KIAA0825: variants seen among roughly 807,000 people sequenced by gnomAD.
KIAA0825 encodes the protein uncharacterized protein KIAA0825.
In KIAA0825, 119 loss-of-function variants were observed where a neutral mutation model predicts 147.6. The ratio of observed to expected loss-of-function variants is 0.81; its 90% CI spans 0.69 to 0.94. The LOEUF is 0.94. KIAA0825 is among the 40% of genes least tolerant of loss of function. The pLI is 0.00. For synonymous variants in KIAA0825, 470 were observed against 518.1 expected (o/e 0.91, Z 1.26); for missense variants, 1,381 against 1,472.7 (o/e 0.94, Z 1.02).
intron 20 of KIAA0825, among the ~76,000 whole-genome samples, chr5:94,245,956 T>TTAAG (rs1236197805): frequency 2.0e-5 from 3 of 152,246 alleles, no homozygotes; most frequent in African/African-American, 7.2e-5. Flanking sequence ...TTTAAAAAGT[T>TTAAG]TAAGTGTGAC....
chr5:94,616,289 T>C (rs1381643435), intron 1 of KIAA0825, among the ~76,000 whole-genome samples: 5 of 152,178 alleles, frequency 3.3e-5, no homozygotes, highest in African/African-American at 1.2e-4. Context: ...ATTTCTAGTA[T>C]TGGTCATTTC....
At chr5:94,232,872 A>C (rs1774812216) in intron 20 of KIAA0825, among the ~76,000 whole-genome samples, 1 of 152,148 alleles carries the variant, frequency 6.6e-6, no homozygotes, top group African/African-American at 2.4e-5. Context: ...AACTCACAAA[A>C]AGTACAAGAT....
At chr5:94,519,633 A>G (rs1767790957) in intron 5 of KIAA0825, 1 of 612,866 alleles carries the variant, frequency 1.6e-6, no homozygotes, top group South Asian at 7.4e-5. Flanking sequence ...TTCCTAATCA[A>G]CTACAATACA....
At chr5:94,296,635 G>A (rs746115633) in intron 20 of KIAA0825, among the ~76,000 whole-genome samples, 7 of 152,092 alleles carry the variant, frequency 4.6e-5, no homozygotes, top group Non-Finnish European at 7.4e-5. Context: ...ATTCCCTCAC[G>A]GCTTCCCTTG....
At chr5:94,265,186 T>C (rs1583986477) in intron 20 of KIAA0825, among the ~76,000 whole-genome samples, 1 of 152,226 alleles carries the variant, frequency 6.6e-6, no homozygotes, top group East Asian at 1.9e-4. Flanking sequence ...TAATTATAAA[T>C]TTTTGAAGGC....
intron 2 of KIAA0825, among the ~76,000 whole-genome samples, chr5:94,558,418 T>A (rs1227932333): frequency 2.6e-5 from 4 of 152,232 alleles, no homozygotes; most frequent in African/African-American, 9.6e-5. Context: ...GTTTTTTGGC[T>A]GAGGCCACTA....
At chr5:94,455,078 G>A (rs1446394595) in intron 12 of KIAA0825, among the ~76,000 whole-genome samples, 1 of 152,036 alleles carries the variant, frequency 6.6e-6, no homozygotes, top group Non-Finnish European at 1.5e-5. Context: ...ATAGTAATTT[G>A]GATTTACTGA....
At chr5:94,475,055 C>T (rs998508466) in intron 7 of KIAA0825, among the ~76,000 whole-genome samples, 2 of 151,486 alleles carry the variant, frequency 1.3e-5, no homozygotes, top group South Asian at 4.2e-4. Flanking sequence ...CACCACTGCA[C>T]TCCAGCCTGG....
chr5:94,399,114 C>T (rs1751043514), intron 16 of KIAA0825, among the ~76,000 whole-genome samples: 1 of 152,092 alleles, frequency 6.6e-6, no homozygotes, highest in African/African-American at 2.4e-5. Context: ...TAGCTCAGCA[C>T]CTGATAAAAA....
At chr5:94,182,250 CTTTTTTTTTTTTTTTT>C (rs771486226) in intron 20 of KIAA0825, among the ~76,000 whole-genome samples, 2 of 38,276 alleles carry the variant, frequency 5.2e-5, no homozygotes, top group Non-Finnish European at 8.6e-5. Context: ...AATGTCCCTT[CTTTTTTTTTTTTTTTT>C]TTTTTTTTTT....
At chr5:94,482,564 T>C (rs1762609354) in intron 6 of KIAA0825, among the ~76,000 whole-genome samples, 1 of 152,074 alleles carries the variant, frequency 6.6e-6, no homozygotes, top group East Asian at 1.9e-4. Flanking sequence ...ATAGTTGGCT[T>C]CCTTAATCAT....
chr5:94,406,005 C>A (rs1262224795), intron 15 of KIAA0825, among the ~76,000 whole-genome samples: 3 of 152,104 alleles, frequency 2.0e-5, no homozygotes, highest in African/African-American at 4.8e-5. Flanking sequence ...TGGCTCACTG[C>A]AACCTCCGCG....
At position 94,520,947 on chromosome 5, in the gene KIAA0825, T is replaced by C. The variant is rs938004084; in HGVS notation, c.301-30A>G. On this transcript the variant is annotated intron_variant, in intron 4 of 20. Transcript: ENST00000682413. ...TGAAATTATAACATTAGAAATGTGA[T>C]TAAGTGCAATAGAAAAAATGATTTC... 4.8e-6 allele frequency: 7 copies of C among 1,456,190 alleles called. No homozygotes were observed. In the Admixed American group the frequency reaches 1.1e-4, roughly 23 times the overall value. The allele number at this position is 1,456,190 out of a possible 1,614,324, so 90.2% of individuals were successfully genotyped here.
rs563945166 is a variant in KIAA0825 at position 94,461,485 on chromosome 5, C to T, written c.2246+902G>A. The stretch of plus-strand genomic sequence containing the variant: ...GTGATTTATCTTACAGTTTCTTCCC[C>T]TTTCTGAAAGAATGCTCCATTTCTA... On this transcript the variant is annotated intron_variant, in intron 12 of 20. Transcript: ENST00000682413. 3.3e-5 allele frequency among the ~76,000 whole-genome samples: 5 copies of T among 152,026 alleles called. No individual in the cohort carries two copies. In the South Asian group the frequency reaches 1.0e-3, roughly 31 times the overall value.
intron 14 of KIAA0825, among the ~76,000 whole-genome samples, chr5:94,436,493 T>C (rs931584924): frequency 8.5e-5 from 13 of 152,330 alleles, no homozygotes; most frequent in East Asian, 1.9e-4. Context: ...TCTGTTCTTA[T>C]ACCAGTACCA....
At chr5:94,203,640 A>C (rs905714897) in intron 20 of KIAA0825, among the ~76,000 whole-genome samples, 1 of 152,198 alleles carries the variant, frequency 6.6e-6, no homozygotes, top group East Asian at 1.9e-4. Flanking sequence ...GAAAAAGATT[A>C]GATCATAGCT....
At chr5:94,596,888 G>A (rs1785414971) in intron 1 of KIAA0825, among the ~76,000 whole-genome samples, 1 of 151,992 alleles carries the variant, frequency 6.6e-6, no homozygotes, top group African/African-American at 2.4e-5. Context: ...GGTTGTTGTT[G>A]GTATATAGGA....
chr5:94,550,656 C>T (rs1176961961), intron 2 of KIAA0825, among the ~76,000 whole-genome samples: 2 of 152,118 alleles, frequency 1.3e-5, no homozygotes, highest in South Asian at 4.1e-4. Flanking sequence ...TCCTGGCTAA[C>T]ACAGTGAAAC....
chr5:94,205,017 T>C (rs1242264415), intron 20 of KIAA0825, among the ~76,000 whole-genome samples: 1 of 152,056 alleles, frequency 6.6e-6, no homozygotes, highest in Non-Finnish European at 1.5e-5. Flanking sequence ...GTTGGTAGAA[T>C]TCCTTGAAAA....
Sources: allele counts gnomAD v4.1 joint callset (sites outside exome capture counted in the v4.1 genomes callset), GRCh38; gene constraint gnomAD v4.1.1; transcripts MANE v1.5; gene names NCBI Gene and HGNC (gene_info 2026-07-23, HGNC 2026-07-21).